The following NF1 variants were observed in gnomAD, a reference collection of about 807,000 sequenced individuals.
NF1 encodes neurofibromin 1.
In NF1, 122 loss-of-function variants were observed where a neutral mutation model predicts 325.7. That is an observed-to-expected ratio of 0.37 (90% CI 0.32 to 0.44). NF1 has a LOEUF of 0.44. NF1 is among the 20% of genes least tolerant of loss of function. The pLI is 1.00. For synonymous variants in NF1, 1,091 were observed against 1,186.0 expected, an observed-to-expected ratio of 0.92 and a Z score of 1.65; for missense variants, 2,140 against 3,415.4, an observed-to-expected ratio of 0.63 and a Z score of 9.31.
chr17:31,170,048 A>T, intron 5 of NF1, 51 bp downstream of exon 5: 2 of 1,143,666 alleles, frequency 1.7e-6, no homozygotes, highest in Non-Finnish European at 1.3e-6. Context: ...GTCAAAAACT[A>T]GTATCATGAA....
At chr17:31,277,866 C>T (rs537952624) in intron 36 of NF1, among the ~76,000 whole-genome samples, 1 of 152,296 alleles carries the variant, frequency 6.6e-6, no homozygotes, top group Non-Finnish European at 1.5e-5. Flanking sequence ...TCCTTAAAAC[C>T]TGCCTTCTCC....
intron 29 of NF1, among the ~76,000 whole-genome samples, chr17:31,245,006 A>G (rs113206944): frequency 1.2e-3 from 181 of 152,302 alleles, no homozygotes; most frequent in African/African-American, 3.9e-3. Flanking sequence ...AATTAGTAGA[A>G]TATTCAACAG....
rs2151555210 is a variant in NF1 at position 31,336,918 on chromosome 17, A to G, written c.6427+4A>G. 6.2e-7 allele frequency: 1 copy of G among 1,607,756 alleles called. No individual in the cohort carries two copies. Among genetic ancestry groups the G allele is most frequent in the Non-Finnish European group, 8.5e-7 (1 of 1,179,882 alleles). ...TGTTCACAGCTTCATTTTAGTGGTA[A>G]GTTCTAGGAAAGGAATTTGTGTTTA... On this transcript the variant is annotated splice_donor_region_variant and intron_variant, in intron 42 of 57. Transcript: ENST00000358273. This position sits in a 1 kb window ranked among gnomAD's most constrained non-coding sequence, Gnocchi z 5.5.
At chr17:31,289,823 T>A (rs2068312102) in intron 36 of NF1, among the ~76,000 whole-genome samples, 1 of 152,184 alleles carries the variant, frequency 6.6e-6, no homozygotes, top group African/African-American at 2.4e-5. Flanking sequence ...TCTTACTTTT[T>A]TAAAAATTTC....
chr17:31,222,971 C>T (rs1295339819), intron 15 of NF1, among the ~76,000 whole-genome samples: 1 of 152,132 alleles, frequency 6.6e-6, no homozygotes, highest in Non-Finnish European at 1.5e-5. Context: ...TTCAGTTCTG[C>T]CTTTGGAGCA....
intron 7 of NF1, 98 bp downstream of exon 7, chr17:31,181,883 A>T (rs2143780730): frequency 1.1e-6 from 1 of 895,018 alleles, no homozygotes; most frequent in Admixed American, 2.1e-5. Context: ...TTTGTTATAA[A>T]GGTGCTTTTA....
chr17:31,198,948 A>G (rs1567834352), intron 8 of NF1, among the ~76,000 whole-genome samples: 1 of 152,060 alleles, frequency 6.6e-6, no homozygotes, highest in Non-Finnish European at 1.5e-5. Context: ...TGACTTTAGT[A>G]ATTTGGTGTT....
At chr17:31,178,236 T>G (rs1289261206) in intron 5 of NF1, among the ~76,000 whole-genome samples, 1 of 152,164 alleles carries the variant, frequency 6.6e-6, no homozygotes, top group Non-Finnish European at 1.5e-5. Flanking sequence ...AGAAAAGAAT[T>G]TTCATCACAG....
chr17:31,095,224 C>A lies in NF1; in HGVS notation c.-86C>A. ...CAGACCCTCTCCTTGCCTCTTCCCTCACCTCAGCCTCCGCTCCCCGCCCTC... is the reference window on the plus strand; with the variant it reads ...CAGACCCTCTCCTTGCCTCTTCCCTAACCTCAGCCTCCGCTCCCCGCCCTC... On this transcript the variant is annotated 5_prime_UTR_variant, in exon 1 of 58. Coordinates refer to ENST00000358273, the MANE Select transcript of NF1 (RefSeq NM_001042492.3). The A allele has an allele frequency of 7.7e-7, 1 of 1,297,948 alleles. No homozygotes were observed. Among genetic ancestry groups the A allele is most frequent in the Non-Finnish European group, 1.1e-6 (1 of 931,446 alleles). The allele number at this position is 1,297,948 out of a possible 1,614,324, so 80.4% of individuals were successfully genotyped here.
At chr17:31,140,615 A>C (rs1465467442) in intron 1 of NF1, among the ~76,000 whole-genome samples, 2 of 152,222 alleles carry the variant, frequency 1.3e-5, no homozygotes, top group Non-Finnish European at 2.9e-5. Context: ...TACTTAAAGG[A>C]GATGAAATCA....
chr17:31,270,344 C>T (rs963786524), intron 36 of NF1, among the ~76,000 whole-genome samples: 1 of 152,120 alleles, frequency 6.6e-6, no homozygotes, highest in Admixed American at 6.5e-5. Context: ...CAAGGTGGCT[C>T]ACACCTGTAA....
intron 4 of NF1, among the ~76,000 whole-genome samples, chr17:31,166,236 A>T (rs2065842587): frequency 6.6e-6 from 1 of 152,138 alleles, no homozygotes; most frequent in African/African-American, 2.4e-5. Flanking sequence ...GTTCCATACA[A>T]ATCTGTTCGT....
chr17:31,171,931 T>G (rs2065933719), intron 5 of NF1, among the ~76,000 whole-genome samples: 1 of 152,170 alleles, frequency 6.6e-6, no homozygotes, highest in South Asian at 2.1e-4. Context: ...ATCAAGTTAT[T>G]TGCAGAAAAA....
intron 1 of NF1, among the ~76,000 whole-genome samples, chr17:31,141,015 A>C (rs944078128): frequency 3.9e-5 from 6 of 152,198 alleles, no homozygotes; most frequent in African/African-American, 1.4e-4. Flanking sequence ...AAGTCTGGAG[A>C]GCTTATGTAT....
At chr17:31,244,271 G>C (rs1428825458) in intron 29 of NF1, among the ~76,000 whole-genome samples, 3 of 152,158 alleles carry the variant, frequency 2.0e-5, no homozygotes, top group Non-Finnish European at 4.4e-5. Context: ...GCTGAGCTGA[G>C]CTGCCTGGGT....
chr17:31,130,330 G>C (rs1210640656), intron 1 of NF1, among the ~76,000 whole-genome samples: 1 of 152,190 alleles, frequency 6.6e-6, no homozygotes, highest in Non-Finnish European at 1.5e-5. Context: ...CCCGTGGGTT[G>C]TGCCAGCCAA....
chr17:31,169,961 A>C lies in NF1; in HGVS notation c.550A>C (p.Asn184His), dbSNP rs1555607101. 6.2e-7 allele frequency: 1 copy of C among 1,606,910 alleles called. No individual in the cohort carries two copies. Among genetic ancestry groups the C allele is most frequent in the Non-Finnish European group, 8.5e-7 (1 of 1,174,942 alleles). Residue 184 changes from asparagine to histidine, a missense_variant, in exon 5 of 58, where the codon AAT becomes CAT. Transcript: ENST00000358273. ...TGATATAGAATTGTTACAGTATATC[A>C]ATGTGGATTGTGCAAAATTAAAACG... is the stretch of plus-strand genomic sequence containing the variant. The part of the protein sequence containing the change: ...VHDIELLQYI[N>H]VDCAKLKRLL...
At chr17:31,103,759 T>A (rs1912586175) in intron 1 of NF1, among the ~76,000 whole-genome samples, 1 of 151,736 alleles carries the variant, frequency 6.6e-6, no homozygotes, top group Admixed American at 6.6e-5. Flanking sequence ...CACTTGGGCC[T>A]CAGAGTTTGA....
At chr17:31,193,980 G>A (rs1042876202) in intron 8 of NF1, among the ~76,000 whole-genome samples, 1 of 152,102 alleles carries the variant, frequency 6.6e-6, no homozygotes, top group Non-Finnish European at 1.5e-5. Flanking sequence ...ACAGTGTGAA[G>A]GTTCCTCAAA....
Sources: allele counts gnomAD v4.1 joint callset (sites outside exome capture counted in the v4.1 genomes callset), GRCh38; gene constraint gnomAD v4.1.1; non-coding constraint Gnocchi (gnomAD v3.1); transcripts MANE v1.5; gene names NCBI Gene and HGNC (gene_info 2026-07-23, HGNC 2026-07-21).